L3MBTL4: variants seen among roughly 807,000 people sequenced by gnomAD.
L3MBTL4 encodes the protein lethal(3)malignant brain tumor-like protein 4.
In L3MBTL4, 70 loss-of-function variants were observed where a neutral mutation model predicts 84.5. The ratio of observed to expected loss-of-function variants is 0.83; its 90% confidence interval spans 0.68 to 1.01. The LOEUF (loss-of-function observed/expected upper bound fraction) is 1.01. L3MBTL4 is among the 50% of genes least tolerant of loss of function. The pLI, the probability that L3MBTL4 is intolerant of heterozygous loss-of-function variation, is 0.00. For missense variants in L3MBTL4, 715 were observed against 754.8 expected (o/e 0.95, Z 0.62); for synonymous variants, 274 against 259.8 (o/e 1.05, Z -0.52).
intron 16 of L3MBTL4, among the ~76,000 whole-genome samples, chr18:5,994,523 C>A (rs1314837102): frequency 6.6e-6 from 1 of 152,124 alleles, no homozygotes; most frequent in Admixed American, 6.5e-5. Flanking sequence ...GTGGGGCAGG[C>A]ACAGAGGGGT....
intron 4 of L3MBTL4, among the ~76,000 whole-genome samples, chr18:6,264,567 T>C (rs1277327986): frequency 6.6e-6 from 1 of 152,164 alleles, no homozygotes; most frequent in African/African-American, 2.4e-5. Context: ...GTGGATCACC[T>C]GAGGTCAAGA....
intron 12 of L3MBTL4, among the ~76,000 whole-genome samples, chr18:6,198,035 C>T (rs780725894): frequency 1.1e-4 from 17 of 152,210 alleles, no homozygotes; most frequent in Non-Finnish European, 2.4e-4. Flanking sequence ...ACCCCTCTCC[C>T]TTTCTTGATG....
chr18:6,084,661 CA>C (rs1216527573), intron 15 of L3MBTL4, among the ~76,000 whole-genome samples: 1 of 152,180 alleles, frequency 6.6e-6, no homozygotes, highest in Non-Finnish European at 1.5e-5. Context: ...CCAAAAGACT[CA>C]TGATCTATTA....
chr18:6,115,166 G>C (rs2059319003), intron 14 of L3MBTL4, among the ~76,000 whole-genome samples: 1 of 152,188 alleles, frequency 6.6e-6, no homozygotes, highest in Non-Finnish European at 1.5e-5. Context: ...TAAGCTGTTT[G>C]AATGGTTTTT....
At chr18:5,986,136 A>C (rs897660104) in intron 16 of L3MBTL4, among the ~76,000 whole-genome samples, 2 of 152,222 alleles carry the variant, frequency 1.3e-5, no homozygotes, top group African/African-American at 4.8e-5. Context: ...AGAGGCCGAA[A>C]GAGATGCCTG....
chr18:6,143,936 G>A (rs985697474), intron 13 of L3MBTL4, among the ~76,000 whole-genome samples: 2 of 152,106 alleles, frequency 1.3e-5, no homozygotes, highest in African/African-American at 2.4e-5. Context: ...GGTGGCTCAC[G>A]CCTGTAATCC....
intron 4 of L3MBTL4, among the ~76,000 whole-genome samples, chr18:6,282,006 C>T (rs1283436542): frequency 1.3e-5 from 2 of 152,216 alleles, no homozygotes; most frequent in Non-Finnish European, 2.9e-5. Context: ...CCACAAGAGA[C>T]GCTATCACAT....
chr18:6,205,482 C>T (rs1449468579), intron 12 of L3MBTL4, among the ~76,000 whole-genome samples: 1 of 152,204 alleles, frequency 6.6e-6, no homozygotes, highest in African/African-American at 2.4e-5. Context: ...CATAGGTATA[C>T]ATGTGCCATG....
chr18:6,283,484 T>A (rs986336682), intron 4 of L3MBTL4, among the ~76,000 whole-genome samples: 1 of 152,156 alleles, frequency 6.6e-6, no homozygotes, highest in Non-Finnish European at 1.5e-5. Flanking sequence ...CTAAAGGAAA[T>A]ATTATTTAAT....
chr18:6,414,935 C>G (rs1049905653), upstream of L3MBTL4: 1 of 149,552 alleles, frequency 6.7e-6, no homozygotes, highest in South Asian at 2.1e-4. This position sits in a 1 kb window ranked among gnomAD's most constrained non-coding sequence, Gnocchi z 5.4. Context: ...CGAGGGTGCA[C>G]GCGCGGGGTG....
intron 16 of L3MBTL4, among the ~76,000 whole-genome samples, chr18:5,980,097 C>T (rs906911016): frequency 2.6e-5 from 4 of 151,988 alleles, no homozygotes; most frequent in African/African-American, 9.7e-5. Flanking sequence ...CTCCTAGGCA[C>T]CGCCGAGGGC....
intron 12 of L3MBTL4, among the ~76,000 whole-genome samples, chr18:6,183,198 T>C (rs1186568154): frequency 6.6e-6 from 1 of 152,232 alleles, no homozygotes; most frequent in Non-Finnish European, 1.5e-5. Flanking sequence ...GAGTTAGGCA[T>C]ACCAGCCCTA....
At chr18:6,257,860 G>T (rs552766524) in intron 5 of L3MBTL4, among the ~76,000 whole-genome samples, 1 of 151,970 alleles carries the variant, frequency 6.6e-6, no homozygotes, top group East Asian at 1.9e-4. Flanking sequence ...TGGTCAGGCT[G>T]GTCTCTAACT....
At chr18:6,104,617 A>C (rs2058938676) in intron 14 of L3MBTL4, among the ~76,000 whole-genome samples, 1 of 152,214 alleles carries the variant, frequency 6.6e-6, no homozygotes, top group South Asian at 2.1e-4. Flanking sequence ...ATAAAGTTTT[A>C]GTTACCCAGA....
chr18:6,297,257 G>A (rs938716761), intron 4 of L3MBTL4, among the ~76,000 whole-genome samples: 1 of 152,200 alleles, frequency 6.6e-6, no homozygotes, highest in Non-Finnish European at 1.5e-5. Flanking sequence ...TTCTGGACAT[G>A]AGAGAACAAA....
chr18:5,958,691 T>C (rs752545552), intron 18 of L3MBTL4, among the ~76,000 whole-genome samples: 9 of 152,176 alleles, frequency 5.9e-5, no homozygotes, highest in Admixed American at 2.6e-4. Flanking sequence ...CTCTGCTATA[T>C]ACTGCTGCCT....
intron 16 of L3MBTL4, among the ~76,000 whole-genome samples, chr18:5,988,116 G>T (rs1238468428): frequency 3.9e-5 from 6 of 152,242 alleles, no homozygotes; most frequent in African/African-American, 1.4e-4. Context: ...AGAGATGGCA[G>T]AGACTTCACT....
At chr18:6,332,707 G>A (rs578058005) in intron 1 of L3MBTL4, among the ~76,000 whole-genome samples, 2 of 152,264 alleles carry the variant, frequency 1.3e-5, no homozygotes, top group African/African-American at 4.8e-5. Flanking sequence ...GTGGAACCAA[G>A]TGTTGGGAGT....
intron 3 of L3MBTL4, among the ~76,000 whole-genome samples, chr18:6,306,349 T>C (rs1205550760): frequency 6.6e-6 from 1 of 152,172 alleles, no homozygotes; most frequent in African/African-American, 2.4e-5. Flanking sequence ...ATAATATAGC[T>C]ACAGTCTCCA....
Sources: allele counts gnomAD v4.1 joint callset (sites outside exome capture counted in the v4.1 genomes callset), GRCh38; gene constraint gnomAD v4.1.1; non-coding constraint Gnocchi (gnomAD v3.1); transcripts MANE v1.5; gene names NCBI Gene and HGNC (gene_info 2026-07-23, HGNC 2026-07-21).